CSPP1: variants seen among roughly 807,000 people sequenced by gnomAD.
CSPP1 encodes centrosome and spindle pole associated protein 1.
In CSPP1, 126 loss-of-function variants were observed where a neutral mutation model predicts 164.4. The observed-to-expected ratio is 0.77, with a 90% confidence interval of 0.66 to 0.89. CSPP1 has a LOEUF of 0.89. Ranked by LOEUF, CSPP1 falls within the 40% of genes least tolerant of loss-of-function variation. The pLI, the probability that CSPP1 is intolerant of heterozygous loss-of-function variation, is 0.00. For synonymous variants in CSPP1, 472 were observed against 476.7 expected (o/e 0.99, Z 0.13); for missense variants, 1,395 against 1,449.8 (o/e 0.96, Z 0.61).
intron 1 of CSPP1, among the ~76,000 whole-genome samples, chr8:67,070,539 C>G (rs1228941846): frequency 2.0e-5 from 3 of 150,500 alleles, no homozygotes; most frequent in Non-Finnish European, 4.4e-5. Context: ...TGGTGGCCAA[C>G]ATGGAGGATC....
In CSPP1 at chr8:67,158,552, G is replaced by C; in HGVS notation, c.2347G>C (p.Glu783Gln). The C allele has an allele frequency of 6.2e-7, 1 of 1,611,026 alleles. No individual in the cohort carries two copies. The highest frequency in any genetic ancestry group is 2.2e-5 in the East Asian group (1 of 44,768). Residue 783 changes from glutamate to glutamine, a missense_variant, in exon 20 of 31, where the codon GAG becomes CAG. By Grantham distance (29) the Glu-to-Gln change is conservative (BLOSUM62 2). Transcript: ENST00000678616. ...AGAACAGAGGGCACGAATTCAGCAGGAGTATGAAGAGGAACAGGAAAAGAA... is the reference window on the plus strand; with the variant it reads ...AGAACAGAGGGCACGAATTCAGCAGCAGTATGAAGAGGAACAGGAAAAGAA... Reference protein sequence around the residue: ...LAEQRARIQQEYEEEQEKKRE... With the variant: ...LAEQRARIQQQYEEEQEKKRE...
chr8:67,099,860 T>G (rs1166764342), intron 7 of CSPP1, among the ~76,000 whole-genome samples: 1 of 152,152 alleles, frequency 6.6e-6, no homozygotes. Flanking sequence ...TACCAAACTA[T>G]AGTTTGTCTT....
chr8:67,157,449 C>T (rs760471127), intron 19 of CSPP1, among the ~76,000 whole-genome samples: 33 of 152,078 alleles, frequency 2.2e-4, no homozygotes, highest in African/African-American at 3.4e-4. Context: ...GCACACACCA[C>T]CACGCCTGGC....
At chr8:67,104,090 ATC>A (rs1784956847) in intron 8 of CSPP1, among the ~76,000 whole-genome samples, 1 of 152,206 alleles carries the variant, frequency 6.6e-6, no homozygotes, top group East Asian at 1.9e-4. Flanking sequence ...ATGATTTTGA[ATC>A]TATAGTATAC....
chr8:67,187,973 T>C (rs984106401), intron 28 of CSPP1, among the ~76,000 whole-genome samples: 3 of 152,210 alleles, frequency 2.0e-5, no homozygotes, highest in African/African-American at 7.2e-5. Context: ...GGTATGGTGA[T>C]GACTTTTAGA....
chr8:67,144,406 G>A (rs959810353), intron 17 of CSPP1, among the ~76,000 whole-genome samples: 1 of 152,094 alleles, frequency 6.6e-6, no homozygotes, highest in Non-Finnish European at 1.5e-5. Context: ...TGGTGTCAGG[G>A]TAATTCTGGC....
At chr8:67,105,822 A>T (rs1166655084) in intron 8 of CSPP1, 83 bp from the exon 9 acceptor site, 1 of 749,034 alleles carries the variant, frequency 1.3e-6, no homozygotes, top group Non-Finnish European at 2.4e-6. Context: ...AATAATTCAT[A>T]GCTACATTTT....
At chr8:67,136,913 C>T (rs531272946) in intron 16 of CSPP1, among the ~76,000 whole-genome samples, 1 of 151,850 alleles carries the variant, frequency 6.6e-6, no homozygotes, top group African/African-American at 2.4e-5. Flanking sequence ...ACCTTAGTGG[C>T]TAGAAAGTCA....
At chr8:67,167,391 G>A (rs1829564539) in intron 24 of CSPP1, among the ~76,000 whole-genome samples, 1 of 149,520 alleles carries the variant, frequency 6.7e-6, no homozygotes, top group Non-Finnish European at 1.5e-5. Flanking sequence ...TGGCCGGGCG[G>A]GGGCTGCCCC....
intron 20 of CSPP1, 114 bp from the exon 21 acceptor site, chr8:67,158,877 C>T: frequency 1.0e-6 from 1 of 975,594 alleles, no homozygotes; most frequent in Non-Finnish European, 1.5e-6. Flanking sequence ...TAAAGAACAC[C>T]ATATCATGTC....
intron 1 of CSPP1, among the ~76,000 whole-genome samples, chr8:67,070,317 G>T (rs1194999774): frequency 6.6e-6 from 1 of 151,898 alleles, no homozygotes; most frequent in African/African-American, 2.4e-5. Flanking sequence ...AAAAAAATTA[G>T]CTGGGCATGG....
Position 67,095,273 on chromosome 8 carries a change from TTTC to T in CSPP1, c.484-17_484-15del. The stretch of plus-strand genomic sequence containing the variant: ...GTTTCTTGTCAAGTTTTGTTTCTTT[TTTC>T]TTTTTTAATTGAACAGCCCAAGAGT... On this transcript the variant is annotated splice_polypyrimidine_tract_variant and intron_variant, in intron 6 of 30. Transcript: ENST00000678616. 1 of 1,500,610 alleles carries T rather than the reference TTTC, an allele frequency of 6.7e-7. No individual in the cohort carries two copies. Among genetic ancestry groups the T allele is most frequent in the Non-Finnish European group, 8.9e-7 (1 of 1,122,290 alleles). 93.0% of individuals were successfully genotyped at this position (1,500,610 alleles called of 1,614,324 possible).
chr8:67,112,736 A>C (rs1262261757), intron 10 of CSPP1, among the ~76,000 whole-genome samples: 1 of 152,234 alleles, frequency 6.6e-6, no homozygotes, highest in African/African-American at 2.4e-5. Context: ...CAGTAGATCC[A>C]GCACACTGTG....
intron 13 of CSPP1, among the ~76,000 whole-genome samples, 166 bp downstream of exon 13, chr8:67,116,288 A>T (rs1210368012): frequency 6.6e-6 from 1 of 152,144 alleles, no homozygotes; most frequent in Non-Finnish European, 1.5e-5. Context: ...CTGCTATTAT[A>T]AAAAAAGGGA....
intron 29 of CSPP1, among the ~76,000 whole-genome samples, chr8:67,192,473 C>A (rs900043235): frequency 8.5e-5 from 13 of 152,144 alleles, no homozygotes; most frequent in Non-Finnish European, 1.5e-4. Context: ...ATTTTCAGAT[C>A]TTTTTTCCCA....
intron 7 of CSPP1, among the ~76,000 whole-genome samples, chr8:67,099,973 C>T (rs1813691162): frequency 6.6e-6 from 1 of 151,948 alleles, no homozygotes; most frequent in Non-Finnish European, 1.5e-5. Context: ...TCTTCCTTGA[C>T]TTAAAAAAGA....
intron 28 of CSPP1, among the ~76,000 whole-genome samples, chr8:67,183,843 A>ATTTTT (rs918103972): frequency 9.2e-5 from 10 of 108,182 alleles, no homozygotes; most frequent in African/African-American, 2.4e-4. Flanking sequence ...AAAATTGGGA[A>ATTTTT]TTTTTTTTTT....
rs752537319 is a variant in CSPP1, at chr8:67,095,487, A to G, written c.678A>G (p.Leu226=). The change falls in exon 7 of 31, where the codon TTA becomes TTG. Residue 226 remains leucine (L), a synonymous_variant. Coordinates refer to ENST00000678616, the MANE Select transcript of CSPP1 (RefSeq NM_001382391.1). ...GACAACTAGATGATGAAATCGAATT[A>G]AGGAATAGAAGAATTATTAAAAAAG... ...RYRQLDDEIE[L]RNRRIIKKAN... is the part of the protein sequence containing the mutation. The G allele has an allele frequency of 5.0e-6, 8 of 1,613,364 alleles. No individual in the cohort carries two copies. The South Asian group carries it at 8.8e-5, about 18-fold the overall frequency.
At chr8:67,113,934 A>C in intron 11 of CSPP1, 72 bp downstream of exon 11, 1 of 854,486 alleles carries the variant, frequency 1.2e-6, no homozygotes, top group Non-Finnish European at 1.9e-6. Context: ...GCAGGTGGGG[A>C]TAGAGAATAT....
Sources: allele counts gnomAD v4.1 joint callset (sites outside exome capture counted in the v4.1 genomes callset), GRCh38; gene constraint gnomAD v4.1.1; transcripts MANE v1.5; gene names NCBI Gene and HGNC (gene_info 2026-07-23, HGNC 2026-07-21).